CNBD1: variants seen among roughly 807,000 people sequenced by gnomAD.
CNBD1 encodes cyclic nucleotide-binding domain-containing protein 1.
CNBD1 carries 71 observed loss-of-function variants against 54.4 expected under a neutral mutation model. The observed-to-expected ratio is 1.30, with a 90% CI of 1.08 to 1.59. The LOEUF (loss-of-function observed/expected upper bound fraction) is 1.59. Among genes scored for constraint, CNBD1 ranks in the 40% most tolerant of loss-of-function variants. The probability of loss-of-function intolerance (pLI) is 0.00; values close to 1 mark genes in which losing one functional copy is unlikely to be tolerated. For missense variants in CNBD1, 659 were observed against 518.0 expected, an observed-to-expected ratio of 1.27 and a Z score of -2.64; for synonymous variants, 182 against 170.7, an observed-to-expected ratio of 1.07 and a Z score of -0.51.
chr8:87,102,472 G>A (rs1031437697), intron 4 of CNBD1, among the ~76,000 whole-genome samples: 1 of 152,148 alleles, frequency 6.6e-6, no homozygotes, highest in African/African-American at 2.4e-5. Context: ...TTATTTTGTG[G>A]GCAAGATTGC....
At chr8:87,354,542 G>C (rs1273247316) in intron 10 of CNBD1, among the ~76,000 whole-genome samples, 1 of 151,890 alleles carries the variant, frequency 6.6e-6, no homozygotes, top group Non-Finnish European at 1.5e-5. Flanking sequence ...ATCTCCTATT[G>C]CTATCCCTCC....
At chr8:86,880,101 G>C (rs979340202) in intron 1 of CNBD1, among the ~76,000 whole-genome samples, 1 of 152,142 alleles carries the variant, frequency 6.6e-6, no homozygotes, top group Admixed American at 6.5e-5. Context: ...ACATTAGTTA[G>C]GCCATTATTG....
chr8:87,173,586 G>T (rs1813136310), intron 4 of CNBD1, among the ~76,000 whole-genome samples: 1 of 151,604 alleles, frequency 6.6e-6, no homozygotes, highest in South Asian at 2.1e-4. Flanking sequence ...TTTTCCTTCG[G>T]CATTTTCAAT....
At chr8:86,873,064 C>T in intron 1 of CNBD1, among the ~76,000 whole-genome samples, 1 of 151,376 alleles carries the variant, frequency 6.6e-6, no homozygotes. Flanking sequence ...AGCAACAGCA[C>T]AAGGCCCTGT....
intron 10 of CNBD1, among the ~76,000 whole-genome samples, chr8:87,358,854 C>T (rs985862005): frequency 2.0e-5 from 3 of 152,094 alleles, no homozygotes; most frequent in Non-Finnish European, 4.4e-5. Flanking sequence ...TCCTGGTATT[C>T]AAGAACTGGG....
intron 4 of CNBD1, among the ~76,000 whole-genome samples, chr8:87,157,356 G>A (rs966327766): frequency 9.9e-5 from 15 of 152,150 alleles, no homozygotes; most frequent in Non-Finnish European, 2.2e-4. Context: ...GGGAAACAAG[G>A]AAGAGAAATC....
chr8:87,268,602 T>A lies in CNBD1; in HGVS notation c.772-16076T>A, dbSNP rs540657396. On this transcript the variant is annotated intron_variant, in intron 6 of 10. Transcript: ENST00000518476. ...GTAACCTCACCAACATCTGTTGTTT[T>A]ATGACTTTTTAATAATAGCCATTTT... Among the ~76,000 whole-genome samples the A allele has an allele frequency of 1.3e-3, 198 of 152,238 alleles. 1 individual carries two copies. Among genetic ancestry groups the A allele is most frequent in the African/African-American group, 4.6e-3 (190 of 41,576 alleles).
chr8:87,227,149 G>C (rs1814519360), intron 5 of CNBD1, among the ~76,000 whole-genome samples: 1 of 152,068 alleles, frequency 6.6e-6, no homozygotes, highest in African/African-American at 2.4e-5. Flanking sequence ...CACATGAGAT[G>C]GGTTTCCTGA....
chr8:87,047,914 A>T (rs993182210), intron 4 of CNBD1, among the ~76,000 whole-genome samples: 8 of 152,182 alleles, frequency 5.3e-5, no homozygotes, highest in Non-Finnish European at 1.0e-4. Flanking sequence ...ATTGAGTTAG[A>T]TGGGTAGTCC....
At chr8:87,002,457 A>G (rs961428509) in intron 4 of CNBD1, among the ~76,000 whole-genome samples, 13 of 152,124 alleles carry the variant, frequency 8.5e-5, no homozygotes, top group Non-Finnish European at 1.9e-4. Flanking sequence ...TCCCTCCCAC[A>G]TGACTTCACA....
At chr8:86,928,137 G>C (rs912208660) in intron 3 of CNBD1, among the ~76,000 whole-genome samples, 1 of 152,080 alleles carries the variant, frequency 6.6e-6, no homozygotes, top group Admixed American at 6.6e-5. Context: ...CCTTGTCTCT[G>C]TGACATCCTT....
chr8:87,330,505 A>T (rs1316273790), intron 8 of CNBD1, among the ~76,000 whole-genome samples: 3 of 151,986 alleles, frequency 2.0e-5, no homozygotes, highest in Admixed American at 1.3e-4. Flanking sequence ...TTAGTTCAAC[A>T]TATTTGAAAA....
intron 4 of CNBD1, among the ~76,000 whole-genome samples, chr8:87,083,582 T>C (rs1169323900): frequency 6.8e-6 from 1 of 146,332 alleles, no homozygotes; most frequent in African/African-American, 2.6e-5. Context: ...AACCAATGTA[T>C]TTCTTTTTTT....
At chr8:87,285,136 A>G (rs1808667861) in intron 7 of CNBD1, among the ~76,000 whole-genome samples, 1 of 152,158 alleles carries the variant, frequency 6.6e-6, no homozygotes, top group Admixed American at 6.6e-5. Context: ...TGTCCGCAGC[A>G]TGTCATATGC....
intron 2 of CNBD1, among the ~76,000 whole-genome samples, chr8:87,392,716 T>A (rs1170663361): frequency 6.6e-6 from 1 of 151,910 alleles, no homozygotes; most frequent in Non-Finnish European, 1.5e-5. Context: ...GACAAAAACA[T>A]TCCAAATTAG....
At chr8:87,102,618 GT>G (rs1811453144) in intron 4 of CNBD1, among the ~76,000 whole-genome samples, 1 of 151,246 alleles carries the variant, frequency 6.6e-6, no homozygotes, top group East Asian at 1.9e-4. Context: ...TTTTTTTGTT[GT>G]TTGTTTGTTT....
intron 3 of CNBD1, among the ~76,000 whole-genome samples, chr8:86,933,413 AAATG>A (rs1416914154): frequency 2.6e-5 from 4 of 152,232 alleles, no homozygotes; most frequent in Non-Finnish European, 4.4e-5. Flanking sequence ...TAAAGCAGTA[AAATG>A]AATGAATTAG....
intron 4 of CNBD1, among the ~76,000 whole-genome samples, chr8:87,100,522 G>A (rs916756028): frequency 5.3e-5 from 8 of 152,034 alleles, no homozygotes; most frequent in African/African-American, 1.9e-4. Flanking sequence ...TCCATTGCCG[G>A]GGCTGGAGTG....
chr8:87,056,923 T>C (rs1202705453), intron 4 of CNBD1, among the ~76,000 whole-genome samples: 2 of 152,230 alleles, frequency 1.3e-5, no homozygotes, highest in East Asian at 3.9e-4. Context: ...AAAGCCCTCA[T>C]GATCTGTCCT....
Sources: allele counts gnomAD v4.1 joint callset (sites outside exome capture counted in the v4.1 genomes callset), GRCh38; gene constraint gnomAD v4.1.1; transcripts MANE v1.5; gene names NCBI Gene and HGNC (gene_info 2026-07-23, HGNC 2026-07-21).